Variants in IPO7 observed in about 807,000 individuals in gnomAD.
IPO7 encodes importin 7.
IPO7 carries 13 observed loss-of-function variants against 136.4 expected under a neutral mutation model. The ratio of observed to expected loss-of-function variants is 0.10; its 90% CI spans 0.06 to 0.15. The LOEUF (loss-of-function observed/expected upper bound fraction) is 0.15, where lower values mean the gene tolerates loss of function less well. Among genes scored for constraint, IPO7 ranks in the 10% least tolerant of loss-of-function variants. The probability of loss-of-function intolerance (pLI) is 1.00; values close to 1 mark genes in which losing one functional copy is unlikely to be tolerated. For synonymous variants in IPO7, 403 were observed against 404.4 expected (o/e 1.00, Z 0.04); for missense variants, 857 against 1,240.6 (o/e 0.69, Z 4.65).
In IPO7 at chr11:9,437,840, T is replaced by A; in HGVS notation, c.2355T>A (p.Val785=). 1.9e-6 allele frequency: 3 copies of A among 1,613,820 alleles called. No individual in the cohort carries two copies. Among genetic ancestry groups the A allele is most frequent in the South Asian group, 1.1e-5 (1 of 91,080 alleles). Residue 785 remains valine, a synonymous_variant, in exon 21 of 25, where the codon GTT becomes GTA. Coordinates refer to ENST00000379719, the MANE Select transcript of IPO7 (RefSeq NM_006391.3). ...AACTTCGAACTATGTGTCTGCAAGTTGCAATTGCAGCTTTGTATTATAATC... is the reference window on the plus strand; with the variant it reads ...AACTTCGAACTATGTGTCTGCAAGTAGCAATTGCAGCTTTGTATTATAATC... The part of the protein sequence containing the change: ...TSELRTMCLQ[V]AIAALYYNPH...
rs909644529 is a variant in IPO7, at chr11:9,389,356, T to A, written c.84+4509T>A. Among the ~76,000 whole-genome samples, 4 of 152,192 alleles carry A rather than the reference T, an allele frequency of 2.6e-5. No individual in the cohort carries two copies. The South Asian group carries it at 6.2e-4, about 24-fold the overall frequency. On this transcript the variant is annotated intron_variant, in intron 1 of 24. Transcript: ENST00000379719. Reference sequence around the variant, plus strand: ...GAGCCACCACACCAGCCGGTGTTTTTAAATATAATGCCAGGAAGATTTTTA... The same window carrying A: ...GAGCCACCACACCAGCCGGTGTTTTAAAATATAATGCCAGGAAGATTTTTA...
chr11:9,385,486 T>G (rs1465887470), intron 1 of IPO7, among the ~76,000 whole-genome samples: 1 of 152,166 alleles, frequency 6.6e-6, no homozygotes, highest in Non-Finnish European at 1.5e-5. Context: ...AATGCTTCAG[T>G]CGGGGAGCTG....
intron 6 of IPO7, among the ~76,000 whole-genome samples, chr11:9,418,054 A>T (rs1171985973): frequency 1.3e-5 from 2 of 149,732 alleles, no homozygotes; most frequent in African/African-American, 4.9e-5. Flanking sequence ...TTTACAGATT[A>T]CTGAATACGC....
At chr11:9,439,084 G>C (rs185672403) in intron 22 of IPO7, among the ~76,000 whole-genome samples, 2 of 152,190 alleles carry the variant, frequency 1.3e-5, no homozygotes, top group Admixed American at 1.3e-4. Context: ...TTCCAGCCTG[G>C]GTAACATAGT....
At chr11:9,433,455 TA>T in intron 16 of IPO7, 114 bp from the exon 17 acceptor site, 1 of 671,982 alleles carries the variant, frequency 1.5e-6, no homozygotes, top group Non-Finnish European at 2.5e-6. Flanking sequence ...AACAAAGACT[TA>T]TTTTTTTCAC....
rs201739735 is a variant in IPO7 at position 9,444,289 on chromosome 11, AT to A, written c.3020-807del. Among the ~76,000 whole-genome samples, 407 of 121,366 alleles carry A rather than the reference AT, an allele frequency of 3.4e-3. 4 individuals are homozygous for A. The highest frequency in any genetic ancestry group is 0.012 in the Middle Eastern group (3 of 250). 79.6% of individuals were successfully genotyped at this position (121,366 alleles called of 152,430 possible). On this transcript the variant is annotated intron_variant, in intron 24 of 24. Transcript: ENST00000379719. ...TGAAACTCTGTCTCTAAAAAAAAAA[AT>A]AAACAAAAGTACATTTTAGGTTATA...
At chr11:9,410,236 C>A in intron 4 of IPO7, 150 bp downstream of exon 4, 1 of 560,436 alleles carries the variant, frequency 1.8e-6, no homozygotes, top group Non-Finnish European at 2.8e-6. Context: ...TTCTTTTTGA[C>A]ATAGCATTCT....
At chr11:9,430,798 A>G in intron 15 of IPO7, 77 bp from the exon 16 acceptor site, 9 of 1,230,790 alleles carry the variant, frequency 7.3e-6, no homozygotes, top group Non-Finnish European at 1.1e-5. Flanking sequence ...AGAACGTTCT[A>G]AGAATTAAAA....
rs112164281 is a variant in IPO7, at chr11:9,438,879, A to G, written c.2695+594A>G. Among the ~76,000 whole-genome samples the G allele has an allele frequency of 1.6e-3, 249 of 152,326 alleles. 1 individual carries two copies. Among genetic ancestry groups the G allele is most frequent in the Middle Eastern group, 6.8e-3 (2 of 294 alleles). On this transcript the variant is annotated intron_variant, in intron 22 of 24. Transcript: ENST00000379719. Reference sequence around the variant, plus strand: ...GAATGAGATGTCATGCAGTTCTTCAAAAGTTTTCTATCCGACTGTGGGAAA... The same window carrying G: ...GAATGAGATGTCATGCAGTTCTTCAGAAGTTTTCTATCCGACTGTGGGAAA...
chr11:9,409,007 C>T (rs1174805243), intron 3 of IPO7, among the ~76,000 whole-genome samples: 2 of 151,374 alleles, frequency 1.3e-5, no homozygotes, highest in South Asian at 2.1e-4. Context: ...CCACTGCACC[C>T]GGCTTTTCTG....
At position 9,445,261 on chromosome 11, in the gene IPO7, A is replaced by G; in HGVS notation, c.*67A>G. The G allele has an allele frequency of 1.0e-6, 1 of 982,210 alleles. No individual in the cohort carries two copies. Among genetic ancestry groups the G allele is most frequent in the South Asian group, 1.3e-5 (1 of 77,002 alleles). 60.8% of individuals were successfully genotyped at this position (982,210 alleles called of 1,614,324 possible). Reference sequence around the variant, plus strand: ...TTGTGTTCCTCCTAGTAGTGGTTCCAGAACTGGTTCATGTTATCTATTCTA... The same window carrying G: ...TTGTGTTCCTCCTAGTAGTGGTTCCGGAACTGGTTCATGTTATCTATTCTA... On this transcript the variant is annotated 3_prime_UTR_variant, in exon 25 of 25. Transcript: ENST00000379719.
chr11:9,433,612 A>G lies in IPO7; in HGVS notation c.1924A>G (p.Thr642Ala). Residue 642 changes from threonine to alanine, a missense_variant, in exon 17 of 25, where the codon ACT becomes GCT. By Grantham distance (58) the Thr-to-Ala change is moderately conservative. This residue lies in a region of IPO7 where 190 missense variants were observed against 249.0 expected (regional missense o/e 0.76). Coordinates refer to ENST00000379719, the MANE Select transcript of IPO7 (RefSeq NM_006391.3). ...LEGICLQVIGTVLQQHVLEFY... is the reference protein window; with the variant it reads ...LEGICLQVIGAVLQQHVLEFY... Reference sequence around the variant, plus strand: ...GGGAATCTGCTTACAGGTCATTGGTACTGTTTTACAACAGCATGTCTTAGG... The same window carrying G: ...GGGAATCTGCTTACAGGTCATTGGTGCTGTTTTACAACAGCATGTCTTAGG... The G allele has an allele frequency of 1.2e-6, 2 of 1,612,778 alleles. No individual in the cohort carries two copies. The highest frequency in any genetic ancestry group is 1.7e-6 in the Non-Finnish European group (2 of 1,179,904).
At position 9,442,092 on chromosome 11, in the gene IPO7, C is replaced by T. The variant is rs1180660017; in HGVS notation, c.2914C>T (p.Arg972Cys). 2.6e-6 allele frequency: 4 copies of T among 1,560,762 alleles called. No homozygotes were observed. Among genetic ancestry groups the T allele is most frequent in the African/African-American group, 1.4e-5 (1 of 73,738 alleles). ...TTATTTTTTGATAGCTATTCAAAAT[C>T]GTAATCCTGTGTGGTATCAGGCACT... is the stretch of plus-strand genomic sequence containing the variant. Reference protein sequence around the residue: ...FKAIFQTIQNRNPVWYQALTH... With the variant: ...FKAIFQTIQNCNPVWYQALTH... The change falls in exon 24 of 25, where the codon CGT becomes TGT. Residue 972 changes from arginine to cysteine, a missense_variant. Physicochemically the swap from Arg to Cys is radical, Grantham distance 180. Transcript: ENST00000379719.
intron 3 of IPO7, 38 bp downstream of exon 3, chr11:9,408,677 G>A (rs746702324): frequency 4.9e-6 from 3 of 609,682 alleles, no homozygotes; most frequent in Admixed American, 3.8e-5. Context: ...CTGCAGGTGT[G>A]TAACTTTCAG....
chr11:9,427,803 C>T (rs1220208124), intron 12 of IPO7, among the ~76,000 whole-genome samples: 2 of 152,190 alleles, frequency 1.3e-5, no homozygotes, highest in South Asian at 2.1e-4. Flanking sequence ...AATCCATGGA[C>T]CTTTTTAAAG....
chr11:9,419,610 A>C (rs1855098728), intron 6 of IPO7, among the ~76,000 whole-genome samples: 1 of 145,192 alleles, frequency 6.9e-6, no homozygotes, highest in Non-Finnish European at 1.5e-5. Context: ...TTAGGTTATT[A>C]ATGTATAATG....
chr11:9,387,559 C>T (rs1201288551), intron 1 of IPO7, among the ~76,000 whole-genome samples: 5 of 152,220 alleles, frequency 3.3e-5, no homozygotes, highest in Admixed American at 2.6e-4. Flanking sequence ...TGGCCAGGCA[C>T]GGTGGCTCAC....
chr11:9,434,944 C>T lies in IPO7; in HGVS notation c.2085C>T (p.Pro695=). The T allele has an allele frequency of 1.9e-6, 3 of 1,575,640 alleles. No individual in the cohort carries two copies. In the African/African-American group the frequency reaches 4.0e-5, roughly 21 times the overall value. ...TTTTTATTAATACAGATATGATGCC[C>T]CTCCTTCATAATTATGTAACAGTTG... ...DGFDYFTDMM[P]LLHNYVTVDT... The change falls in exon 19 of 25, where the codon CCC becomes CCT. Residue 695 remains proline, a synonymous_variant. Coordinates refer to ENST00000379719, the MANE Select transcript of IPO7 (RefSeq NM_006391.3).
intron 8 of IPO7, 119 bp downstream of exon 8, chr11:9,420,817 C>T: frequency 1.5e-6 from 1 of 664,250 alleles, no homozygotes; most frequent in Non-Finnish European, 2.6e-6. Context: ...TGTACCAGGT[C>T]TCAAACATTT....
Sources: gnomAD v4.1 joint callset for allele counts (sites outside exome capture counted in the v4.1 genomes callset) on GRCh38, gnomAD v4.1.1 for gene constraint, gnomAD v4.1.1 regional missense constraint, MANE v1.5 for transcripts, NCBI Gene and HGNC (gene_info 2026-07-23, HGNC 2026-07-21) for gene names.